CDC73: variants seen among roughly 807,000 people sequenced by gnomAD.
CDC73 encodes cell division cycle 73.
A neutral mutation model predicts 83.7 loss-of-function variants in CDC73; 21 were observed. The observed-to-expected ratio is 0.25, with a 90% confidence interval of 0.18 to 0.36. The LOEUF (loss-of-function observed/expected upper bound fraction) is 0.36. CDC73 is among the 10% of genes least tolerant of loss of function. CDC73 has a pLI of 1.00. For missense variants in CDC73, 342 were observed against 653.3 expected (o/e 0.52, Z 5.19); for synonymous variants, 224 against 212.9 (o/e 1.05, Z -0.45).
chr1:193,174,522 A>G (rs1480880772), intron 10 of CDC73, among the ~76,000 whole-genome samples: 1 of 152,092 alleles, frequency 6.6e-6, no homozygotes, highest in Non-Finnish European at 1.5e-5. Flanking sequence ...GTTATTTTCC[A>G]TACTTTCATA....
intron 14 of CDC73, among the ~76,000 whole-genome samples, chr1:193,234,200 C>G (rs1233471638): frequency 7.4e-5 from 4 of 53,740 alleles, no homozygotes; most frequent in African/African-American, 2.8e-4. Flanking sequence ...CACACACACA[C>G]ACACACACAC....
chr1:193,177,840 C>G (rs553513459), intron 10 of CDC73, among the ~76,000 whole-genome samples: 6 of 152,244 alleles, frequency 3.9e-5, no homozygotes, highest in African/African-American at 1.4e-4. Flanking sequence ...GAGGAGAAAT[C>G]TCAATTATTT....
intron 1 of CDC73, 30 bp from the exon 2 acceptor site, chr1:193,125,082 G>A (rs755129736): frequency 2.9e-5 from 33 of 1,118,876 alleles, no homozygotes; most frequent in Non-Finnish European, 4.4e-5. Flanking sequence ...AGAATTGTCA[G>A]TAAAAAAAAT....
At chr1:193,122,466 C>G (rs994062049) in intron 1 of CDC73, 135 bp downstream of exon 1, 1 of 1,173,568 alleles carries the variant, frequency 8.5e-7, no homozygotes, top group Non-Finnish European at 1.3e-6. Context: ...GAAAGTTTCT[C>G]TCTAGAGCAG....
intron 7 of CDC73, among the ~76,000 whole-genome samples, chr1:193,144,377 ATTGATGATAAT>A (rs1416478352): frequency 6.6e-6 from 1 of 152,184 alleles, no homozygotes; most frequent in East Asian, 1.9e-4. Flanking sequence ...TGCATAGTAG[ATTGATGATAAT>A]ATTGATTAAT....
intron 10 of CDC73, among the ~76,000 whole-genome samples, chr1:193,186,821 T>C (rs1418527263): frequency 6.6e-6 from 1 of 152,184 alleles, no homozygotes; most frequent in Non-Finnish European, 1.5e-5. Flanking sequence ...GAAATGGTTA[T>C]GATTTTATTT....
At chr1:193,158,752 A>C (rs1465322239) in intron 10 of CDC73, among the ~76,000 whole-genome samples, 1 of 152,172 alleles carries the variant, frequency 6.6e-6, no homozygotes, top group Non-Finnish European at 1.5e-5. Context: ...AGCAGTATAA[A>C]GGTGTACCCC....
At chr1:193,163,681 G>A (rs1676382801) in intron 10 of CDC73, among the ~76,000 whole-genome samples, 1 of 152,040 alleles carries the variant, frequency 6.6e-6, no homozygotes, top group African/African-American at 2.4e-5. Context: ...ATAGACATTT[G>A]TATTATTTCT....
chr1:193,195,387 T>A (rs1676985007), intron 10 of CDC73, among the ~76,000 whole-genome samples: 1 of 152,186 alleles, frequency 6.6e-6, no homozygotes, highest in South Asian at 2.1e-4. Context: ...ATATAATTTA[T>A]CTGTTCATGT....
chr1:193,142,098 TGAGAGA>T (rs80356646), intron 7 of CDC73, 32 bp downstream of exon 7: 95 of 1,437,786 alleles, frequency 6.6e-5, no homozygotes, highest in Non-Finnish European at 8.3e-5. Context: ...TTCATTGGAG[TGAGAGA>T]GAGAGAGAGA....
chr1:193,234,909 T>TA (rs1415384893), intron 14 of CDC73, among the ~76,000 whole-genome samples: 2 of 151,190 alleles, frequency 1.3e-5, no homozygotes, highest in Non-Finnish European at 3.0e-5. Flanking sequence ...TTTTTTTAAT[T>TA]TTTTATTTTA....
At chr1:193,134,563 C>T (rs1041453167) in intron 3 of CDC73, among the ~76,000 whole-genome samples, 16 of 152,084 alleles carry the variant, frequency 1.1e-4, no homozygotes, top group Non-Finnish European at 1.6e-4. Flanking sequence ...CCCAGCTACT[C>T]GGGAGGCTGA....
chr1:193,147,210 C>T (rs1253822355), intron 7 of CDC73, among the ~76,000 whole-genome samples: 8 of 151,324 alleles, frequency 5.3e-5, no homozygotes, highest in African/African-American at 7.3e-5. Flanking sequence ...GCCAGAATGG[C>T]CTCAATCTCC....
At chr1:193,242,319 C>T (rs1677877202) in intron 15 of CDC73, among the ~76,000 whole-genome samples, 2 of 152,162 alleles carry the variant, frequency 1.3e-5, no homozygotes, top group Admixed American at 6.5e-5. Context: ...GGTGTCAGGA[C>T]CCCTGAGGGT....
intron 10 of CDC73, among the ~76,000 whole-genome samples, chr1:193,197,526 G>A (rs1306592151): frequency 1.3e-5 from 2 of 151,788 alleles, no homozygotes; most frequent in Admixed American, 6.6e-5. Flanking sequence ...ATTTATTATC[G>A]AGCTCCTTCA....
At chr1:193,127,274 A>AG (rs1675593884) in intron 2 of CDC73, among the ~76,000 whole-genome samples, 1 of 128,804 alleles carries the variant, frequency 7.8e-6, no homozygotes, top group Non-Finnish European at 1.6e-5. Flanking sequence ...ACTCTGTCTC[A>AG]GGGAAAAAAA....
chr1:193,173,977 A>G (rs923874316), intron 10 of CDC73, among the ~76,000 whole-genome samples: 1 of 152,076 alleles, frequency 6.6e-6, no homozygotes, highest in Non-Finnish European at 1.5e-5. Flanking sequence ...AACCATTTAT[A>G]ATAATAATAC....
chr1:193,222,457 C>T (rs1677488869), intron 13 of CDC73, among the ~76,000 whole-genome samples: 1 of 152,162 alleles, frequency 6.6e-6, no homozygotes, highest in African/African-American at 2.4e-5. Context: ...AATGATCTAG[C>T]CACTTTGGAA....
chr1:193,199,584 G>A (rs926220387), intron 10 of CDC73, among the ~76,000 whole-genome samples: 1 of 151,120 alleles, frequency 6.6e-6, no homozygotes, highest in Non-Finnish European at 1.5e-5. Flanking sequence ...TTGATGGTGC[G>A]CACCTGTAGC....
Sources: gnomAD v4.1 joint callset for allele counts (sites outside exome capture counted in the v4.1 genomes callset) on GRCh38, gnomAD v4.1.1 for gene constraint, MANE v1.5 for transcripts, NCBI Gene and HGNC (gene_info 2026-07-23, HGNC 2026-07-21) for gene names.